Variants in DISP1 observed in about 807,000 individuals in gnomAD.
DISP1 encodes protein dispatched homolog 1.
A neutral mutation model predicts 37.3 loss-of-function variants in DISP1; 30 were observed. The observed-to-expected ratio is 0.80, with a 90% confidence interval of 0.60 to 1.09. The LOEUF (loss-of-function observed/expected upper bound fraction) is 1.09. Among genes scored for constraint, DISP1 ranks in the 50% least tolerant of loss-of-function variants. DISP1 has a pLI of 0.00. For synonymous variants in DISP1, 634 were observed against 690.2 expected (o/e 0.92, Z 1.28); for missense variants, 1,598 against 1,879.5 (o/e 0.85, Z 2.77).
chr1:222,954,563 T>C (rs1675454917), intron 3 of DISP1, among the ~76,000 whole-genome samples: 1 of 152,192 alleles, frequency 6.6e-6, no homozygotes, highest in South Asian at 2.1e-4. Context: ...AAACAACTTA[T>C]AGTCTAGAAG....
At chr1:222,830,214 C>CT (rs887632197) in intron 1 of DISP1, among the ~76,000 whole-genome samples, 33 of 152,234 alleles carry the variant, frequency 2.2e-4, no homozygotes, top group African/African-American at 7.2e-4. Context: ...TCAAGCAGTT[C>CT]TTTCAAAGGA....
At chr1:222,993,746 T>C (rs1253836494) in intron 7 of DISP1, among the ~76,000 whole-genome samples, 3 of 152,250 alleles carry the variant, frequency 2.0e-5, no homozygotes, top group African/African-American at 7.2e-5. Context: ...ATCTGTTAGT[T>C]ATGATCTTAA....
At chr1:222,930,942 G>A (rs1216500885) in intron 2 of DISP1, among the ~76,000 whole-genome samples, 1 of 151,938 alleles carries the variant, frequency 6.6e-6, no homozygotes, top group Non-Finnish European at 1.5e-5. Flanking sequence ...TTGCTCAGTA[G>A]ACTAAAGGAT....
chr1:222,874,161 C>T (rs997414301), intron 1 of DISP1, among the ~76,000 whole-genome samples: 1 of 152,246 alleles, frequency 6.6e-6, no homozygotes. Context: ...GTCTGATGGG[C>T]TTCCCTTTGT....
At chr1:222,878,502 A>AGTGCTTAAGATGTTAATGTTTTGG (rs1444907748) in intron 1 of DISP1, among the ~76,000 whole-genome samples, 1 of 152,186 alleles carries the variant, frequency 6.6e-6, no homozygotes, top group Non-Finnish European at 1.5e-5. Flanking sequence ...CCCCAATTGA[A>AGTGCTTAAGATGTTAATGTTTTGG]GTGCTTAAGA....
chr1:222,851,254 C>T (rs1025735947), intron 1 of DISP1, among the ~76,000 whole-genome samples: 8 of 151,794 alleles, frequency 5.3e-5, no homozygotes, highest in African/African-American at 9.7e-5. Context: ...TTAGTAGAGT[C>T]GGAGTTTTGC....
chr1:222,824,635 G>A (rs1218302950), intron 1 of DISP1, among the ~76,000 whole-genome samples: 6 of 150,768 alleles, frequency 4.0e-5, no homozygotes, highest in Non-Finnish European at 2.9e-5. Context: ...TTCCAGGATG[G>A]TACCATAATT....
intron 4 of DISP1, among the ~76,000 whole-genome samples, chr1:222,989,077 G>A (rs1678489984): frequency 6.6e-6 from 1 of 151,818 alleles, no homozygotes; most frequent in Admixed American, 6.5e-5. Flanking sequence ...TCTCCACAAA[G>A]CCAGATCAAT....
At chr1:222,863,207 C>T (rs541513934) in intron 1 of DISP1, among the ~76,000 whole-genome samples, 44 of 151,882 alleles carry the variant, frequency 2.9e-4, no homozygotes, top group African/African-American at 1.0e-3. Context: ...GTAAAGTTGC[C>T]GTATTTTCCT....
chr1:222,860,032 G>A (rs1004611229), intron 1 of DISP1, among the ~76,000 whole-genome samples: 2 of 152,126 alleles, frequency 1.3e-5, no homozygotes, highest in African/African-American at 4.8e-5. Flanking sequence ...TTCAATAAAG[G>A]AAATTCATTT....
At chr1:222,864,035 T>C (rs946929413) in intron 1 of DISP1, among the ~76,000 whole-genome samples, 1 of 152,218 alleles carries the variant, frequency 6.6e-6, no homozygotes, top group Non-Finnish European at 1.5e-5. Flanking sequence ...GCATTGGCTC[T>C]AGACCCTCTC....
chr1:222,983,173 A>C (rs552234865), intron 4 of DISP1, 64 bp downstream of exon 4: 1 of 1,226,184 alleles, frequency 8.2e-7, no homozygotes, highest in African/African-American at 1.5e-5. Context: ...CCAGTCTAGT[A>C]TTTTCTCCGT....
At chr1:222,869,710 G>A (rs1482826966) in intron 1 of DISP1, among the ~76,000 whole-genome samples, 7 of 151,952 alleles carry the variant, frequency 4.6e-5, no homozygotes, top group Non-Finnish European at 2.9e-5. Flanking sequence ...AAAATAGAGG[G>A]ATTTTATTTT....
intron 1 of DISP1, among the ~76,000 whole-genome samples, chr1:222,818,357 G>A (rs1661768071): frequency 1.3e-5 from 2 of 152,274 alleles, no homozygotes; most frequent in East Asian, 3.9e-4. Context: ...AGAGGGCTGG[G>A]AGGGGAATCC....
chr1:222,886,810 G>A (rs1670625347), intron 1 of DISP1, among the ~76,000 whole-genome samples: 1 of 152,232 alleles, frequency 6.6e-6, no homozygotes, highest in South Asian at 2.1e-4. Context: ...GAAAGTAGCT[G>A]TAAGTGATTT....
intron 3 of DISP1, among the ~76,000 whole-genome samples, chr1:222,952,765 G>T (rs565586798): frequency 6.6e-6 from 1 of 152,110 alleles, no homozygotes; most frequent in Non-Finnish European, 1.5e-5. Context: ...CCGGAGAATC[G>T]CTTGAACCTG....
At chr1:222,907,477 G>C (rs1301734056) in intron 1 of DISP1, among the ~76,000 whole-genome samples, 1 of 152,130 alleles carries the variant, frequency 6.6e-6, no homozygotes, top group Non-Finnish European at 1.5e-5. Flanking sequence ...GTGGGGAGGA[G>C]GGAGACTCAG....
At chr1:222,902,762 C>T (rs1671670303) in intron 1 of DISP1, among the ~76,000 whole-genome samples, 1 of 152,090 alleles carries the variant, frequency 6.6e-6, no homozygotes, top group Admixed American at 6.6e-5. Flanking sequence ...TACCATCTCA[C>T]ACCAGTTAGA....
At chr1:222,835,117 A>G (rs1426736137) in intron 1 of DISP1, 2 of 152,162 alleles carry the variant, frequency 1.3e-5, no homozygotes, top group African/African-American at 4.8e-5. Flanking sequence ...TTCCTTTCAT[A>G]GATTTCTGAG....
Sources: gnomAD v4.1 joint callset for allele counts (sites outside exome capture counted in the v4.1 genomes callset) on GRCh38, gnomAD v4.1.1 for gene constraint, MANE v1.5 for transcripts, NCBI Gene and HGNC (gene_info 2026-07-23, HGNC 2026-07-21) for gene names.